The following CAMK1D variants were observed in gnomAD, a reference collection of about 807,000 sequenced individuals.
The protein encoded by CAMK1D is calcium/calmodulin-dependent protein kinase type 1D.
CAMK1D carries 9 observed loss-of-function variants against 47.7 expected under a neutral mutation model. That is an observed-to-expected ratio of 0.19 (90% CI 0.11 to 0.33). The LOEUF (loss-of-function observed/expected upper bound fraction) is 0.33, where lower values mean the gene tolerates loss of function less well. Among genes scored for constraint, CAMK1D ranks in the 10% least tolerant of loss-of-function variants. The pLI, the probability that CAMK1D is intolerant of heterozygous loss-of-function variation, is 1.00. For missense variants in CAMK1D, 291 were observed against 488.7 expected (o/e 0.60, Z 3.81); for synonymous variants, 184 against 184.9 (o/e 0.99, Z 0.04).
chr10:12,490,710 T>C (rs1273065737), intron 1 of CAMK1D, among the ~76,000 whole-genome samples: 1 of 152,126 alleles, frequency 6.6e-6, no homozygotes, highest in Non-Finnish European at 1.5e-5. Context: ...CCAGGTGTGG[T>C]GGCACATGCC....
At chr10:12,579,048 TC>T (rs1482965200) in intron 2 of CAMK1D, among the ~76,000 whole-genome samples, 1 of 152,004 alleles carries the variant, frequency 6.6e-6, no homozygotes, top group Non-Finnish European at 1.5e-5. Context: ...GTGTGTCTGC[TC>T]CAGGGAAGGG....
At chr10:12,569,080 A>G (rs571005439) in intron 2 of CAMK1D, among the ~76,000 whole-genome samples, 4 of 152,300 alleles carry the variant, frequency 2.6e-5, no homozygotes, top group East Asian at 1.9e-4. Flanking sequence ...GAAGATTTCC[A>G]TGGTATTGTT....
intron 2 of CAMK1D, among the ~76,000 whole-genome samples, chr10:12,659,247 G>A (rs556254477): frequency 1.9e-4 from 29 of 152,318 alleles, no homozygotes; most frequent in Non-Finnish European, 3.2e-4. Flanking sequence ...ACTTTCTCCT[G>A]TACTACAGGG....
At chr10:12,389,883 G>C (rs113560248) in intron 1 of CAMK1D, among the ~76,000 whole-genome samples, 2 of 152,140 alleles carry the variant, frequency 1.3e-5, no homozygotes, top group African/African-American at 4.8e-5. Flanking sequence ...CAGTGGAAGG[G>C]ATGAATTCAT....
rs180856034 is a variant in CAMK1D, at chr10:12,742,570, A to G, written c.300-18378A>G. 5.2e-4 allele frequency among the ~76,000 whole-genome samples: 79 copies of G among 152,318 alleles called. No individual in the cohort carries two copies. The East Asian group carries it at 0.014, about 27-fold the overall frequency. On this transcript the variant is annotated intron_variant, in intron 3 of 10. Transcript: ENST00000619168. ...TTTTCATCACCCTAATGGCACACAC[A>G]CCCTCTTTTTAAAATTATGTCTGGT...
intron 1 of CAMK1D, among the ~76,000 whole-genome samples, chr10:12,432,783 G>A (rs764582027): frequency 6.6e-6 from 1 of 152,230 alleles, no homozygotes; most frequent in Non-Finnish European, 1.5e-5. Flanking sequence ...CACCCTTACC[G>A]TGTCCTTGTC....
At chr10:12,364,618 A>T (rs750641288) in intron 1 of CAMK1D, among the ~76,000 whole-genome samples, 1 of 74,954 alleles carries the variant, frequency 1.3e-5, no homozygotes, top group African/African-American at 6.5e-5. Flanking sequence ...GACTGATGTT[A>T]AAAAAAAAAG....
At chr10:12,424,462 T>C (rs1054585548) in intron 1 of CAMK1D, among the ~76,000 whole-genome samples, 9 of 152,106 alleles carry the variant, frequency 5.9e-5, no homozygotes, top group Non-Finnish European at 1.3e-4. Context: ...TACCTATTTT[T>C]AGGAACGCCT....
chr10:12,547,682 T>TCTCTCTCA (rs10643491), intron 1 of CAMK1D, among the ~76,000 whole-genome samples: 1 of 116,508 alleles, frequency 8.6e-6, no homozygotes, highest in Non-Finnish European at 1.7e-5. Flanking sequence ...TTTCTCTCTC[T>TCTCTCTCA]CACACACACA....
At chr10:12,446,348 G>A (rs1042493811) in intron 1 of CAMK1D, among the ~76,000 whole-genome samples, 4 of 152,174 alleles carry the variant, frequency 2.6e-5, no homozygotes, top group African/African-American at 4.8e-5. Context: ...ACCATGTAGG[G>A]TAACTTCCTG....
In CAMK1D at chr10:12,476,286, T is replaced by A. The variant is rs150268078; in HGVS notation, c.93-76939T>A. On this transcript the variant is annotated intron_variant, in intron 1 of 10. Coordinates refer to ENST00000619168, the MANE Select transcript of CAMK1D (RefSeq NM_153498.4). ...TAGCCTGGGCAACAGAACGAGACTC[T>A]GTTTCAAAAAAAAAAAGAAGTCTAG... Among the ~76,000 whole-genome samples the A allele has an allele frequency of 7.1e-3, 1,081 of 151,522 alleles. 12 individuals carry two copies. Among genetic ancestry groups the A allele is most frequent in the African/African-American group, 0.024 (1,003 of 41,268 alleles).
chr10:12,517,124 C>T (rs990480494), intron 1 of CAMK1D, among the ~76,000 whole-genome samples: 2 of 152,032 alleles, frequency 1.3e-5, no homozygotes, highest in Non-Finnish European at 2.9e-5. Context: ...TACACCCAAG[C>T]ATTTTATTTT....
Position 12,827,462 on chromosome 10 carries a change from T to TTTTCTTTCTTTC in CAMK1D, c.1040-1306_1040-1305insTTCTTTCTTTCT, listed in dbSNP as rs1564594070. Among the ~76,000 whole-genome samples the TTTTCTTTCTTTC allele has an allele frequency of 2.5e-4, 3 of 12,122 alleles. 1 individual carries two copies. The highest frequency in any genetic ancestry group is 5.7e-4 in the African/African-American group (3 of 5,258). 8.0% of individuals were successfully genotyped at this position (12,122 alleles called of 152,430 possible). A position where few individuals can be genotyped will look rare whatever the true frequency, so the allele number is the denominator to read the frequency against. ...TTCTTTCTTTCTTTCTTTTCTTTCT[T>TTTTCTTTCTTTC]TGTCTGTCTGTCTTTCTTTCTTTCT... On this transcript the variant is annotated intron_variant, in intron 10 of 10. Transcript: ENST00000619168.
chr10:12,460,261 CTT>C (rs34911316), intron 1 of CAMK1D, among the ~76,000 whole-genome samples: 11 of 142,038 alleles, frequency 7.7e-5, no homozygotes, highest in Non-Finnish European at 7.7e-5. Context: ...TTTCTCTATT[CTT>C]TTTTTTTTTT....
At chr10:12,630,121 TG>T (rs1839333729) in intron 2 of CAMK1D, among the ~76,000 whole-genome samples, 1 of 152,274 alleles carries the variant, frequency 6.6e-6, no homozygotes, top group East Asian at 1.9e-4. Flanking sequence ...GCCATAAGGA[TG>T]TAGGATACTA....
chr10:12,813,777 C>T (rs1402022385), intron 6 of CAMK1D, among the ~76,000 whole-genome samples: 3 of 151,566 alleles, frequency 2.0e-5, no homozygotes, highest in African/African-American at 7.3e-5. Flanking sequence ...TTTCTTTTTT[C>T]TGAGACAGAG....
intron 1 of CAMK1D, among the ~76,000 whole-genome samples, chr10:12,448,180 T>C (rs1832977506): frequency 6.6e-6 from 1 of 151,796 alleles, no homozygotes; most frequent in African/African-American, 2.4e-5. Flanking sequence ...ACTTTTTGTA[T>C]TTTTATTTTT....
At chr10:12,497,803 A>G (rs1183217235) in intron 1 of CAMK1D, among the ~76,000 whole-genome samples, 1 of 152,220 alleles carries the variant, frequency 6.6e-6, no homozygotes, top group Non-Finnish European at 1.5e-5. Context: ...TTGCAGGAAG[A>G]TATTTATTTG....
chr10:12,438,722 C>T (rs1355573773), intron 1 of CAMK1D, among the ~76,000 whole-genome samples: 3 of 152,176 alleles, frequency 2.0e-5, no homozygotes, highest in Non-Finnish European at 2.9e-5. Context: ...CTCACCATGA[C>T]TTTTGAAGGT....
Sources: allele counts gnomAD v4.1 joint callset (sites outside exome capture counted in the v4.1 genomes callset), GRCh38; gene constraint gnomAD v4.1.1; transcripts MANE v1.5; gene names NCBI Gene and HGNC (gene_info 2026-07-23, HGNC 2026-07-21).